PACSIN1: variants seen among roughly 807,000 people sequenced by gnomAD.
The protein encoded by PACSIN1 is protein kinase C and casein kinase substrate in neurons 1, also known as protein kinase C and casein kinase substrate in neurons protein 1.
Under a neutral mutation model 59.5 loss-of-function variants are expected in PACSIN1, and 15 were observed. The ratio of observed to expected loss-of-function variants is 0.25; its 90% CI spans 0.17 to 0.39. PACSIN1 has a LOEUF of 0.39. PACSIN1 is among the 10% of genes least tolerant of loss of function. The probability of loss-of-function intolerance (pLI) is 1.00; values close to 1 mark genes in which losing one functional copy is unlikely to be tolerated. For missense variants in PACSIN1, 420 were observed against 580.2 expected, an observed-to-expected ratio of 0.72 and a Z score of 2.84; for synonymous variants, 210 against 220.6, an observed-to-expected ratio of 0.95 and a Z score of 0.42.
chr6:34,474,370 T>G (rs1038228696), intron 1 of PACSIN1, among the ~76,000 whole-genome samples: 4 of 152,158 alleles, frequency 2.6e-5, no homozygotes, highest in Non-Finnish European at 5.9e-5. Flanking sequence ...TGCAGCAGCC[T>G]CTACCTGGTC....
At position 34,530,281 on chromosome 6, in the gene PACSIN1, G is replaced by A. The variant is rs930795813; in HGVS notation, c.827G>A (p.Arg276Gln). The A allele has an allele frequency of 1.1e-5, 17 of 1,613,782 alleles. No homozygotes were observed. In the African/African-American group the frequency reaches 1.6e-4, roughly 15 times the overall value. The stretch of plus-strand genomic sequence containing the variant: ...TACCGTGAGCTGGAGCAGGCCATCC[G>A]GGGGGCTGATGCCCAGGAAGACCTC... ...HVYRELEQAI[R>Q]GADAQEDLRW... Residue 276 changes from arginine to glutamine, a missense_variant, in exon 7 of 10, where the codon CGG becomes CAG. Arg to Gln is a conservative substitution (Grantham distance 43). Transcript: ENST00000244458. This position sits in a 1 kb window ranked among gnomAD's most constrained non-coding sequence, Gnocchi z 4.4.
At position 34,529,818 on chromosome 6, in the gene PACSIN1, C is replaced by T. The variant is rs1767558019; in HGVS notation, c.765C>T (p.His255=). 1 of 1,613,646 alleles carries T rather than the reference C, an allele frequency of 6.2e-7. No homozygotes were observed. Among genetic ancestry groups the T allele is most frequent in the South Asian group, 1.1e-5 (1 of 91,016 alleles). Residue 255 remains histidine (H), a synonymous_variant, in exon 6 of 10, where the codon CAC becomes CAT. Coordinates refer to ENST00000244458, the MANE Select transcript of PACSIN1 (RefSeq NM_020804.5). This position sits in a 1 kb window ranked among gnomAD's most constrained non-coding sequence, Gnocchi z 6.3. ...LKEVLLDIKR[H]LNLAENSSYI... ...AGGTGCTGCTGGACATCAAACGGCA[C>T]CTCAACCTGGCTGAGAACAGCAGGT...
Position 34,534,681 on chromosome 6 carries a change from G to A in PACSIN1, c.*2151G>A, listed in dbSNP as rs1767661855. 1 of 152,782 alleles carries A rather than the reference G, an allele frequency of 6.5e-6. No individual in the cohort carries two copies. The highest frequency in any genetic ancestry group is 2.4e-5 in the African/African-American group (1 of 41,448). 9.5% of individuals were successfully genotyped at this position (152,782 alleles called of 1,614,324 possible). A position where few individuals can be genotyped will look rare whatever the true frequency, so the allele number is the denominator to read the frequency against. ...CTTAGCACTCTAGCTGCCCACTCCA[G>A]GGCAGGGACTCGAAACCCCCTCCGT... On this transcript the variant is annotated 3_prime_UTR_variant, in exon 10 of 10. Coordinates refer to ENST00000244458, the MANE Select transcript of PACSIN1 (RefSeq NM_020804.5).
At chr6:34,486,071 GATTCTCATGTGAGGGAAAACCGATCAT>G in intron 1 of PACSIN1, among the ~76,000 whole-genome samples, 3 of 152,162 alleles carry the variant, frequency 2.0e-5, no homozygotes, top group African/African-American at 7.2e-5. Flanking sequence ...GGGTGGGAAA[GATTCTCATGTGAGGGAAAACCGATCAT>G]TCAGGAGAGG....
chr6:34,475,213 C>T (rs1766621743), intron 1 of PACSIN1, among the ~76,000 whole-genome samples: 1 of 152,206 alleles, frequency 6.6e-6, no homozygotes, highest in African/African-American at 2.4e-5. Context: ...AGCAGCATGA[C>T]TGGGCTTCCC....
Position 34,527,394 on chromosome 6 carries a change from G to A in PACSIN1, c.126G>A (p.Leu42=), listed in dbSNP as rs1167934916. 2 of 1,601,236 alleles carry A rather than the reference G, an allele frequency of 1.2e-6. No individual in the cohort carries two copies. Among genetic ancestry groups the A allele is most frequent in the Non-Finnish European group, 8.5e-7 (1 of 1,175,172 alleles). Residue 42 remains leucine, a synonymous_variant, in exon 3 of 10, where the codon CTG becomes CTA. Transcript: ENST00000244458. ...IDDGHRLCND[L]MNCVQERAKI... is the part of the protein sequence containing the mutation. ...ACGGCCACCGTCTATGCAACGACCT[G>A]ATGAACTGCGTGCAGGAGCGCGCCA...
In PACSIN1 at chr6:34,528,789, A is replaced by G. The variant is rs759211308; in HGVS notation, c.368A>G (p.Lys123Arg). Residue 123 changes from lysine to arginine, a missense_variant, in exon 4 of 10, where the codon AAG (lysine) becomes AGG (arginine). By Grantham distance (26) the Lys-to-Arg change is conservative. Transcript: ENST00000244458. ...AACTGGCAGAAGGACGCCTATCACAAGCAGATCATGGGTGGCTTCAAGGAG... is the reference window on the plus strand; with the variant it reads ...AACTGGCAGAAGGACGCCTATCACAGGCAGATCATGGGTGGCTTCAAGGAG... Reference protein sequence around the residue: ...VKNWQKDAYHKQIMGGFKETK... With the variant: ...VKNWQKDAYHRQIMGGFKETK... 1 of 1,613,774 alleles carries G rather than the reference A, an allele frequency of 6.2e-7. No individual in the cohort carries two copies. The highest frequency in any genetic ancestry group is 1.3e-5 in the African/African-American group (1 of 74,838).
rs201102634 is a variant in PACSIN1 at position 34,481,668 on chromosome 6, T to TA, written c.-64+15412dup. On this transcript the variant is annotated intron_variant, in intron 1 of 9. Transcript: ENST00000244458. ...CTGGGCGACAGAGCAAGACTCCATCTAAAAAAAAAAAAAAGAAAAAAGAAA... is the reference window on the plus strand; with the variant it reads ...CTGGGCGACAGAGCAAGACTCCATCTAAAAAAAAAAAAAAAGAAAAAAGAAA... 6.8e-3 allele frequency among the ~76,000 whole-genome samples: 919 copies of TA among 135,312 alleles called. 7 individuals are homozygous for TA. Among genetic ancestry groups the TA allele is most frequent in the Middle Eastern group, 0.026 (7 of 270 alleles). The allele number at this position is 135,312 out of a possible 152,430, so 88.8% of individuals were successfully genotyped here.
intron 1 of PACSIN1, among the ~76,000 whole-genome samples, chr6:34,466,750 C>G (rs1250803471): frequency 1.3e-5 from 2 of 152,140 alleles, no homozygotes; most frequent in Non-Finnish European, 2.9e-5. Context: ...CCCCTTCCCC[C>G]ACAGCTGGGA....
chr6:34,531,513 G>C lies in PACSIN1; in HGVS notation c.1038-87G>C. 7.3e-7 allele frequency: 1 copy of C among 1,366,578 alleles called. No individual in the cohort carries two copies. Among genetic ancestry groups the C allele is most frequent in the African/African-American group, 1.4e-5 (1 of 69,518 alleles). The allele number at this position is 1,366,578 out of a possible 1,614,324, so 84.7% of individuals were successfully genotyped here. A position where few individuals can be genotyped will look rare whatever the true frequency, so the allele number is the denominator to read the frequency against. On this transcript the variant is annotated intron_variant, in intron 8 of 9. Transcript: ENST00000244458. This position sits in a 1 kb window ranked among gnomAD's most constrained non-coding sequence, Gnocchi z 4.4. ...TTGCTCTAGCCTTGGTAGAATTCGG[G>C]ATCAGGGCTCTGATTAGGAGGAGCG...
chr6:34,494,893 C>T (rs1766926315), intron 1 of PACSIN1, among the ~76,000 whole-genome samples: 2 of 152,208 alleles, frequency 1.3e-5, no homozygotes, highest in East Asian at 1.9e-4. Context: ...CTCAGGCAAA[C>T]ACTGGTTGGT....
chr6:34,528,034 A>G (rs923303883), intron 3 of PACSIN1, among the ~76,000 whole-genome samples: 1 of 152,236 alleles, frequency 6.6e-6, no homozygotes, highest in Non-Finnish European at 1.5e-5. Context: ...GCCTCTATGC[A>G]TTGTGTCTTC....
rs1459200265 is a variant in PACSIN1, at chr6:34,518,092, C to A, written c.-63-8151C>A. ...CTGGGCCTGCACTGGGTCCACACAT[C>A]TTCCTTTTCTCCAATCCAGCTGTGA... On this transcript the variant is annotated intron_variant, in intron 1 of 9. Transcript: ENST00000244458. This position sits in a 1 kb window ranked among gnomAD's most constrained non-coding sequence, Gnocchi z 4.4. Among the ~76,000 whole-genome samples the A allele has an allele frequency of 6.6e-6, 1 of 152,220 alleles. No homozygotes were observed. Among genetic ancestry groups the A allele is most frequent in the Admixed American group, 6.5e-5 (1 of 15,292 alleles).
In PACSIN1 at chr6:34,529,262, G is replaced by T; in HGVS notation, c.457-135G>T. 2.2e-6 allele frequency: 2 copies of T among 905,634 alleles called. No individual in the cohort carries two copies. The highest frequency in any genetic ancestry group is 3.4e-5 in the South Asian group (2 of 58,208). The allele number at this position is 905,634 out of a possible 1,614,324, so 56.1% of individuals were successfully genotyped here. On this transcript the variant is annotated intron_variant, in intron 4 of 9. Coordinates refer to ENST00000244458, the MANE Select transcript of PACSIN1 (RefSeq NM_020804.5). The surrounding 1 kb of genome is among the most constrained non-coding windows in gnomAD (Gnocchi z 6.3). ...CTGCTCCCGAACACCTGGAGCCAGGGCCTGCATCCCTTCTGGCTCTTAAGA... is the reference window on the plus strand; with the variant it reads ...CTGCTCCCGAACACCTGGAGCCAGGTCCTGCATCCCTTCTGGCTCTTAAGA...
At chr6:34,475,444 A>G (rs957319170) in intron 1 of PACSIN1, among the ~76,000 whole-genome samples, 3 of 152,226 alleles carry the variant, frequency 2.0e-5, no homozygotes, top group Non-Finnish European at 4.4e-5. Context: ...AGGCATGCTC[A>G]TATTAGAGCG....
chr6:34,485,849 A>G (rs73405681), intron 1 of PACSIN1, among the ~76,000 whole-genome samples: 12,818 of 152,124 alleles, frequency 0.084, 587 homozygotes, highest in African/African-American at 0.11. Flanking sequence ...GAGACTGGCC[A>G]TGGGGGTCAG....
intron 1 of PACSIN1, among the ~76,000 whole-genome samples, chr6:34,508,239 G>T (rs1004053085): frequency 3.3e-5 from 5 of 152,092 alleles, no homozygotes; most frequent in African/African-American, 7.2e-5. Flanking sequence ...AATTAGCTGG[G>T]ATTACAGACA....
chr6:34,489,379 G>C (rs1766839209), intron 1 of PACSIN1, among the ~76,000 whole-genome samples: 1 of 152,060 alleles, frequency 6.6e-6, no homozygotes, highest in African/African-American at 2.4e-5. Context: ...GTACAGTAGA[G>C]CTCTTGGTCA....
chr6:34,529,937 A>G lies in PACSIN1; in HGVS notation c.788+96A>G. The G allele has an allele frequency of 7.3e-7, 1 of 1,362,248 alleles. No individual in the cohort carries two copies. Among genetic ancestry groups the G allele is most frequent in the Non-Finnish European group, 1.0e-6 (1 of 992,710 alleles). The allele number at this position is 1,362,248 out of a possible 1,614,324, so 84.4% of individuals were successfully genotyped here. A position where few individuals can be genotyped will look rare whatever the true frequency, so the allele number is the denominator to read the frequency against. On this transcript the variant is annotated intron_variant, in intron 6 of 9. Transcript: ENST00000244458. The surrounding 1 kb of genome is among the most constrained non-coding windows in gnomAD (Gnocchi z 6.3). Reference sequence around the variant, plus strand: ...CCCAGCCCTCCATCACAGTGACGGGAAGGGGAGGCAGAGCTGCAGGGGTCA... The same window carrying G: ...CCCAGCCCTCCATCACAGTGACGGGGAGGGGAGGCAGAGCTGCAGGGGTCA...
Sources: allele counts gnomAD v4.1 joint callset (sites outside exome capture counted in the v4.1 genomes callset), GRCh38; gene constraint gnomAD v4.1.1; non-coding constraint Gnocchi (gnomAD v3.1); transcripts MANE v1.5; gene names NCBI Gene and HGNC (gene_info 2026-07-23, HGNC 2026-07-21).